The following TBC1D31 variants were observed in gnomAD, a reference collection of about 807,000 sequenced individuals.
TBC1D31 encodes the protein TBC1 domain family member 31, also known as WD repeat domain 67.
A neutral mutation model predicts 132.9 loss-of-function variants in TBC1D31; 99 were observed. The ratio of observed to expected loss-of-function variants is 0.74; its 90% confidence interval spans 0.63 to 0.88. The LOEUF (loss-of-function observed/expected upper bound fraction) is 0.88, where lower values mean the gene tolerates loss of function less well. Ranked by LOEUF, TBC1D31 falls within the 40% of genes least tolerant of loss-of-function variation. The pLI is 0.00. For missense variants in TBC1D31, 1,134 were observed against 1,256.6 expected (o/e 0.90, Z 1.48); for synonymous variants, 385 against 419.4 (o/e 0.92, Z 1.00).
At chr8:123,143,404 G>A (rs1821893937) in intron 19 of TBC1D31, among the ~76,000 whole-genome samples, 1 of 152,150 alleles carries the variant, frequency 6.6e-6, no homozygotes, top group Admixed American at 6.5e-5. Context: ...AATGGAGTCC[G>A]AGGAGGTAAT....
intron 17 of TBC1D31, among the ~76,000 whole-genome samples, chr8:123,135,076 T>C (rs947614004): frequency 1.2e-4 from 18 of 152,106 alleles, no homozygotes; most frequent in Admixed American, 9.8e-4. Flanking sequence ...ATTTTTGTGT[T>C]TTTTGTAGAG....
chr8:123,093,794 A>T, intron 5 of TBC1D31, 52 bp downstream of exon 5: 1 of 1,202,160 alleles, frequency 8.3e-7, no homozygotes, highest in East Asian at 2.6e-5. Flanking sequence ...AATTTCTGGT[A>T]AAAAATTACA....
At chr8:123,162,207 T>G in the TBC1D31 span, among the ~76,000 whole-genome samples, 1 of 152,066 alleles carries the variant, frequency 6.6e-6, no homozygotes, top group Non-Finnish European at 1.5e-5. Flanking sequence ...ACAGTACATA[T>G]TTTATGTTTG....
intron 14 of TBC1D31, among the ~76,000 whole-genome samples, 174 bp downstream of exon 14, chr8:123,128,687 C>T (rs1361023681): frequency 6.6e-6 from 1 of 151,182 alleles, no homozygotes; most frequent in African/African-American, 2.4e-5. Context: ...CCAGCCTGGC[C>T]AACATGGTGA....
At chr8:123,140,686 T>C (rs1253253831) in intron 17 of TBC1D31, 75 bp from the exon 18 acceptor site, 4 of 1,217,110 alleles carry the variant, frequency 3.3e-6, no homozygotes, top group Non-Finnish European at 4.6e-6. Context: ...TGCATATTAC[T>C]ATTCTGAAAA....
At chr8:123,140,355 C>T (rs1353232109) in intron 17 of TBC1D31, among the ~76,000 whole-genome samples, 1 of 152,126 alleles carries the variant, frequency 6.6e-6, no homozygotes, top group Non-Finnish European at 1.5e-5. Flanking sequence ...CAGTGAGACT[C>T]TGTCTCAAAA....
At chr8:123,100,428 T>C (rs1470435486) in intron 6 of TBC1D31, among the ~76,000 whole-genome samples, 1 of 151,818 alleles carries the variant, frequency 6.6e-6, no homozygotes, top group Non-Finnish European at 1.5e-5. Context: ...ATACAAAAAT[T>C]AGCCGGGCCT....
intron 11 of TBC1D31, 115 bp from the exon 12 acceptor site, chr8:123,125,941 T>C (rs771807493): frequency 5.9e-6 from 4 of 677,974 alleles, no homozygotes; most frequent in Non-Finnish European, 8.6e-6. Flanking sequence ...GAGTTTTTTT[T>C]TATTATTCAT....
rs553185045 is a variant in TBC1D31, at chr8:123,084,007, C to T, written c.341-155C>T. On this transcript the variant is annotated intron_variant, in intron 3 of 21. Coordinates refer to ENST00000287380, the MANE Select transcript of TBC1D31 (RefSeq NM_145647.4). The stretch of plus-strand genomic sequence containing the variant: ...CATGTTCCGTCATACACTTTATCAA[C>T]TAGCCACAAGCTTCCATTTTTGTGG... 2.9e-4 allele frequency: 178 copies of T among 618,798 alleles called. No homozygotes were observed. The East Asian group carries it at 4.4e-3, about 15-fold the overall frequency. The allele number at this position is 618,798 out of a possible 1,614,324, so 38.3% of individuals were successfully genotyped here.
At chr8:123,115,392 T>C (rs1818824096) in intron 10 of TBC1D31, among the ~76,000 whole-genome samples, 1 of 152,242 alleles carries the variant, frequency 6.6e-6, no homozygotes, top group Admixed American at 6.5e-5. Flanking sequence ...TGTCCTAGGC[T>C]CAGTAATGAA....
At chr8:123,095,720 G>T (rs1816775506) in intron 5 of TBC1D31, among the ~76,000 whole-genome samples, 1 of 152,148 alleles carries the variant, frequency 6.6e-6, no homozygotes, top group Non-Finnish European at 1.5e-5. Flanking sequence ...TTTCTGGTAT[G>T]ACAAGATGTT....
chr8:123,143,637 C>T (rs1004679464), intron 19 of TBC1D31, among the ~76,000 whole-genome samples: 2 of 152,300 alleles, frequency 1.3e-5, no homozygotes, highest in African/African-American at 4.8e-5. Flanking sequence ...TCCTTCAAGT[C>T]ACTATTCCAG....
At chr8:123,114,818 G>A (rs1818765804) in intron 10 of TBC1D31, among the ~76,000 whole-genome samples, 1 of 152,074 alleles carries the variant, frequency 6.6e-6, no homozygotes, top group African/African-American at 2.4e-5. Flanking sequence ...TGTATATAAT[G>A]CAAAAGTATT....
At chr8:123,088,048 G>T (rs1586575879) in intron 4 of TBC1D31, among the ~76,000 whole-genome samples, 1 of 152,140 alleles carries the variant, frequency 6.6e-6, no homozygotes, top group African/African-American at 2.4e-5. Flanking sequence ...GATTAGCTGG[G>T]TGTGGTGGCA....
chr8:123,079,472 T>C (rs1418510439), intron 2 of TBC1D31, among the ~76,000 whole-genome samples: 1 of 152,224 alleles, frequency 6.6e-6, no homozygotes, highest in Non-Finnish European at 1.5e-5. Context: ...AAAAAAGTAA[T>C]GGGCCCAACT....
intron 10 of TBC1D31, among the ~76,000 whole-genome samples, chr8:123,118,026 A>G (rs1167171902): frequency 1.3e-5 from 2 of 152,238 alleles, no homozygotes; most frequent in East Asian, 1.9e-4. Flanking sequence ...CATTCTAATC[A>G]TAAGTATCAG....
At chr8:123,106,292 C>T (rs1410267349) in intron 8 of TBC1D31, among the ~76,000 whole-genome samples, 1 of 152,194 alleles carries the variant, frequency 6.6e-6, no homozygotes, top group South Asian at 2.1e-4. Flanking sequence ...TTCCACCTGG[C>T]ACATGACCAT....
downstream of TBC1D31, among the ~76,000 whole-genome samples, chr8:123,157,111 C>G (rs1823014093): frequency 1.3e-5 from 2 of 152,208 alleles, no homozygotes; most frequent in Non-Finnish European, 2.9e-5. Flanking sequence ...ATCAGGTTCA[C>G]CTGGTCCCAG....
intron 16 of TBC1D31, among the ~76,000 whole-genome samples, chr8:123,133,264 T>G (rs1820791415): frequency 6.6e-6 from 1 of 152,200 alleles, no homozygotes; most frequent in African/African-American, 2.4e-5. Flanking sequence ...CTAAAAAGCG[T>G]GATTTGCTAG....
Sources: allele counts gnomAD v4.1 joint callset (sites outside exome capture counted in the v4.1 genomes callset), GRCh38; gene constraint gnomAD v4.1.1; transcripts MANE v1.5; gene names NCBI Gene and HGNC (gene_info 2026-07-23, HGNC 2026-07-21).